Variants in CRCP observed in about 807,000 individuals in gnomAD.
CRCP encodes the protein DNA-directed RNA polymerase III subunit RPC9.
A neutral mutation model predicts 18.5 loss-of-function variants in CRCP; 18 were observed. That is an observed-to-expected ratio of 0.97 (90% CI 0.67 to 1.44). CRCP has a LOEUF of 1.44. Ranked by LOEUF, CRCP falls within the 40% of genes most tolerant of loss-of-function variation. CRCP has a pLI of 0.00. For missense variants in CRCP, 130 were observed against 176.4 expected, an observed-to-expected ratio of 0.74 and a Z score of 1.49; for synonymous variants, 53 against 62.9, an observed-to-expected ratio of 0.84 and a Z score of 0.75.
At chr7:66,138,917 T>C (rs1788054135) in intron 4 of CRCP, among the ~76,000 whole-genome samples, 1 of 152,098 alleles carries the variant, frequency 6.6e-6, no homozygotes, top group Admixed American at 6.6e-5. Context: ...TTCTTGATTA[T>C]GTAAATTTAT....
At chr7:66,118,061 C>G (rs183036330) in intron 1 of CRCP, among the ~76,000 whole-genome samples, 2 of 152,368 alleles carry the variant, frequency 1.3e-5, no homozygotes, top group East Asian at 3.9e-4. Flanking sequence ...CTCACTGCAA[C>G]CTGTGCCTCC....
At chr7:66,136,149 G>T (rs1274729995) in intron 4 of CRCP, among the ~76,000 whole-genome samples, 2 of 152,044 alleles carry the variant, frequency 1.3e-5, no homozygotes, top group Non-Finnish European at 2.9e-5. Flanking sequence ...TCTTGGTCTG[G>T]AATGAGTTCA....
intron 5 of CRCP, among the ~76,000 whole-genome samples, chr7:66,147,753 G>C (rs577995317): frequency 1.3e-5 from 2 of 152,248 alleles, no homozygotes; most frequent in South Asian, 4.1e-4. Context: ...CTTCTCACCA[G>C]AGTGAATAAG....
At chr7:66,145,582 G>A (rs1421798529) in intron 5 of CRCP, 82 bp downstream of exon 5, 4 of 1,475,928 alleles carry the variant, frequency 2.7e-6, no homozygotes, top group East Asian at 2.3e-5. Flanking sequence ...CAGGAACTGC[G>A]TTTTTTTTAA....
At chr7:66,149,597 C>G (rs192675741) in intron 5 of CRCP, among the ~76,000 whole-genome samples, 1 of 152,258 alleles carries the variant, frequency 6.6e-6, no homozygotes, top group South Asian at 2.1e-4. Flanking sequence ...AGTTCACTAA[C>G]GGCCGGAGCT....
chr7:66,126,149 G>A (rs1167300977), intron 1 of CRCP, among the ~76,000 whole-genome samples: 1 of 149,398 alleles, frequency 6.7e-6, no homozygotes, highest in African/African-American at 2.4e-5. Context: ...GTAGCATTTG[G>A]TAAGCTTCAC....
At chr7:66,141,283 C>A (rs989218099) in intron 4 of CRCP, among the ~76,000 whole-genome samples, 3 of 152,200 alleles carry the variant, frequency 2.0e-5, no homozygotes, top group Non-Finnish European at 4.4e-5. Context: ...TGACTGTAGT[C>A]ACCCTGTTGG....
chr7:66,136,856 G>A (rs980883377), intron 4 of CRCP, among the ~76,000 whole-genome samples: 2 of 150,960 alleles, frequency 1.3e-5, no homozygotes, highest in Admixed American at 6.6e-5. Flanking sequence ...GAGGCAGGTG[G>A]ATCACGAGGT....
At chr7:66,127,264 G>C (rs1411134312) in intron 1 of CRCP, among the ~76,000 whole-genome samples, 2 of 152,208 alleles carry the variant, frequency 1.3e-5, no homozygotes, top group Non-Finnish European at 2.9e-5. Context: ...CAGGCTTTTG[G>C]CCACTGCTTG....
chr7:66,147,616 A>G (rs188514729), intron 5 of CRCP, among the ~76,000 whole-genome samples: 241 of 152,278 alleles, frequency 1.6e-3, no homozygotes, highest in African/African-American at 5.5e-3. Context: ...GTTTCTACAA[A>G]GTAGGTAGGC....
At chr7:66,127,662 G>A in intron 1 of CRCP, 42 bp from the exon 2 acceptor site, 1 of 1,610,438 alleles carries the variant, frequency 6.2e-7, no homozygotes, top group Non-Finnish European at 8.5e-7. Flanking sequence ...CCCAGAAAGG[G>A]GTGTGAGCCC....
chr7:66,144,716 G>A (rs1319079754), intron 4 of CRCP, among the ~76,000 whole-genome samples: 1 of 151,982 alleles, frequency 6.6e-6, no homozygotes, highest in East Asian at 1.9e-4. Flanking sequence ...TGGCCTCAAG[G>A]GATCCTCCCA....
chr7:66,130,762 G>T lies in CRCP; in HGVS notation c.64G>T (p.Asp22Tyr). 6.2e-7 allele frequency: 1 copy of T among 1,605,738 alleles called. No homozygotes were observed. Among genetic ancestry groups the T allele is most frequent in the Non-Finnish European group, 8.5e-7 (1 of 1,173,674 alleles). Residue 22 changes from aspartate (D) to tyrosine (Y), a missense_variant, in exon 3 of 6, where the codon GAT becomes TAT. Asp to Tyr is a radical substitution (Grantham distance 160). Coordinates refer to ENST00000395326, the MANE Select transcript of CRCP (RefSeq NM_014478.5). ...CTCCTAGGTATTTCAGTTACTAACT[G>T]ATCTGAAAGAGCAGCGTAAAGAAAG... ...SNYEVFQLLT[D>Y]LKEQRKESGK...
intron 3 of CRCP, 124 bp from the exon 4 acceptor site, chr7:66,134,156 A>G (rs1201339262): frequency 5.4e-6 from 4 of 744,046 alleles, no homozygotes; most frequent in Non-Finnish European, 8.9e-6. Flanking sequence ...CACCGTGCCC[A>G]GCCTCTACAG....
intron 2 of CRCP, among the ~76,000 whole-genome samples, chr7:66,128,114 CAA>C (rs5884582): frequency 2.3e-5 from 3 of 130,492 alleles, no homozygotes; most frequent in African/African-American, 2.9e-5. Flanking sequence ...GGCTCTGTCT[CAA>C]AAAAAAAAAA....
At chr7:66,115,341 C>T (rs1237230936) in intron 1 of CRCP, among the ~76,000 whole-genome samples, 2 of 152,144 alleles carry the variant, frequency 1.3e-5, no homozygotes, top group Non-Finnish European at 2.9e-5. Context: ...TGAGTCTGTC[C>T]GCCCTGAAAG....
chr7:66,149,441 C>T (rs1168022859), intron 5 of CRCP, among the ~76,000 whole-genome samples: 1 of 152,082 alleles, frequency 6.6e-6, no homozygotes, highest in African/African-American at 2.4e-5. Flanking sequence ...ATTGCTTGAG[C>T]CCAGGAGTTT....
chr7:66,119,962 C>A (rs1418989115), intron 1 of CRCP, among the ~76,000 whole-genome samples: 1 of 152,078 alleles, frequency 6.6e-6, no homozygotes, highest in Non-Finnish European at 1.5e-5. Flanking sequence ...TGGGGCGGAT[C>A]ATGAGGTCAG....
At chr7:66,134,242 T>G in intron 3 of CRCP, 38 bp from the exon 4 acceptor site, 1 of 1,437,792 alleles carries the variant, frequency 7.0e-7, no homozygotes. Flanking sequence ...GTTCTTTGTC[T>G]TATGCTTGGC....
Sources: gnomAD v4.1 joint callset for allele counts (sites outside exome capture counted in the v4.1 genomes callset) on GRCh38, gnomAD v4.1.1 for gene constraint, MANE v1.5 for transcripts, NCBI Gene and HGNC (gene_info 2026-07-23, HGNC 2026-07-21) for gene names.